ANKS1B: variants seen among roughly 807,000 people sequenced by gnomAD.
The protein encoded by ANKS1B is ankyrin repeat and sterile alpha motif domain-containing protein 1B.
In ANKS1B, 36 loss-of-function variants were observed where a neutral mutation model predicts 148.3. That is an observed-to-expected ratio of 0.24 (90% CI 0.19 to 0.32). The LOEUF (loss-of-function observed/expected upper bound fraction) is 0.32. Ranked by LOEUF, ANKS1B falls within the 10% of genes least tolerant of loss-of-function variation. The pLI is 1.00. For missense variants in ANKS1B, 1,157 were observed against 1,542.6 expected, an observed-to-expected ratio of 0.75 and a Z score of 4.19; for synonymous variants, 542 against 560.8, an observed-to-expected ratio of 0.97 and a Z score of 0.47.
At chr12:99,899,835 G>T (rs559151335) in intron 1 of ANKS1B, among the ~76,000 whole-genome samples, 1 of 151,922 alleles carries the variant, frequency 6.6e-6, no homozygotes, top group Admixed American at 6.5e-5. Flanking sequence ...TTTTCATGTC[G>T]TAACAGTCTT....
chr12:99,512,363 G>A (rs2096775208), intron 9 of ANKS1B, among the ~76,000 whole-genome samples: 1 of 151,772 alleles, frequency 6.6e-6, no homozygotes, highest in African/African-American at 2.4e-5. Flanking sequence ...ATCACCTCAT[G>A]CAGTCAGAAT....
intron 17 of ANKS1B, among the ~76,000 whole-genome samples, chr12:98,842,620 G>A (rs964460334): frequency 1.3e-5 from 2 of 152,162 alleles, no homozygotes; most frequent in Non-Finnish European, 2.9e-5. Context: ...GAATAATGCT[G>A]GGAGAATGCA....
chr12:99,371,583 T>C (rs1450986922), intron 12 of ANKS1B, among the ~76,000 whole-genome samples: 1 of 151,786 alleles, frequency 6.6e-6, no homozygotes, highest in Non-Finnish European at 1.5e-5. Flanking sequence ...CACACACATA[T>C]ACATACTGAG....
At chr12:99,199,298 A>C (rs982857319) in intron 14 of ANKS1B, among the ~76,000 whole-genome samples, 1 of 152,226 alleles carries the variant, frequency 6.6e-6, no homozygotes, top group African/African-American at 2.4e-5. Flanking sequence ...AGCAATAGAT[A>C]ACTAGTATTC....
intron 1 of ANKS1B, among the ~76,000 whole-genome samples, chr12:99,915,766 C>T (rs1378228021): frequency 2.0e-5 from 3 of 152,110 alleles, no homozygotes; most frequent in Non-Finnish European, 2.9e-5. Flanking sequence ...AGAAATTTAC[C>T]GTCTCACAGT....
intron 17 of ANKS1B, among the ~76,000 whole-genome samples, chr12:98,859,080 G>A (rs2099586040): frequency 6.6e-6 from 1 of 152,130 alleles, no homozygotes; most frequent in Non-Finnish European, 1.5e-5. Flanking sequence ...AATATACTTT[G>A]TAGAAGACAT....
chr12:99,606,270 T>C (rs1222554428), intron 9 of ANKS1B, among the ~76,000 whole-genome samples: 3 of 152,046 alleles, frequency 2.0e-5, no homozygotes, highest in Admixed American at 6.6e-5. Flanking sequence ...ACAAATGTTT[T>C]TTGGTATAAC....
chr12:99,464,617 G>A (rs1031847041), intron 10 of ANKS1B, among the ~76,000 whole-genome samples: 1 of 152,198 alleles, frequency 6.6e-6, no homozygotes, highest in African/African-American at 2.4e-5. Flanking sequence ...GGAGCTGAAA[G>A]CCAAGGCTCG....
intron 17 of ANKS1B, among the ~76,000 whole-genome samples, chr12:99,022,654 G>A (rs1211040595): frequency 6.6e-6 from 1 of 151,916 alleles, no homozygotes; most frequent in East Asian, 1.9e-4. Context: ...TGAATTTCGA[G>A]GGTATGTTGA....
At chr12:99,030,488 T>A (rs1296933356) in intron 17 of ANKS1B, among the ~76,000 whole-genome samples, 1 of 149,626 alleles carries the variant, frequency 6.7e-6, no homozygotes, top group African/African-American at 2.5e-5. Context: ...TAAATTCCTA[T>A]CTTAGCATCA....
chr12:99,664,681 A>C (rs1442950696), intron 8 of ANKS1B, among the ~76,000 whole-genome samples: 1 of 152,178 alleles, frequency 6.6e-6, no homozygotes, highest in Non-Finnish European at 1.5e-5. Context: ...TCACCGCAAA[A>C]GGTTACCTTG....
intron 14 of ANKS1B, among the ~76,000 whole-genome samples, chr12:99,220,070 G>A (rs2084845542): frequency 6.6e-6 from 1 of 152,118 alleles, no homozygotes; most frequent in Non-Finnish European, 1.5e-5. Flanking sequence ...CACGATCTTG[G>A]CTCACCACAA....
intron 1 of ANKS1B, among the ~76,000 whole-genome samples, chr12:99,957,011 C>T (rs898087635): frequency 2.0e-5 from 3 of 152,202 alleles, no homozygotes; most frequent in Admixed American, 1.3e-4. Context: ...TCTTACAGAG[C>T]TGGCTTTGAA....
At chr12:99,341,196 T>A (rs1376874908) in intron 12 of ANKS1B, 4 of 152,152 alleles carry the variant, frequency 2.6e-5, no homozygotes, top group Non-Finnish European at 5.9e-5. Flanking sequence ...AACAAACTAT[T>A]TGTGGATTAC....
chr12:99,414,638 A>G (rs985101063), intron 11 of ANKS1B, among the ~76,000 whole-genome samples: 2 of 152,120 alleles, frequency 1.3e-5, no homozygotes, highest in African/African-American at 4.8e-5. Flanking sequence ...CAATTAGAAC[A>G]CGTGGACACA....
At chr12:99,313,618 C>T (rs896141091) in intron 12 of ANKS1B, among the ~76,000 whole-genome samples, 13 of 152,138 alleles carry the variant, frequency 8.5e-5, no homozygotes, top group African/African-American at 2.9e-4. Flanking sequence ...TCAACATACG[C>T]AAATCAATAA....
chr12:99,006,924 T>C (rs754367454), intron 17 of ANKS1B, among the ~76,000 whole-genome samples: 3 of 152,316 alleles, frequency 2.0e-5, no homozygotes, highest in Non-Finnish European at 4.4e-5. Flanking sequence ...TGTTCATCTA[T>C]CAGGTAAGCT....
At position 99,034,521 on chromosome 12, in the gene ANKS1B, G is replaced by C. The variant is rs368161320; in HGVS notation, c.2778+18636C>G. On this transcript the variant is annotated intron_variant, in intron 17 of 26. Transcript: ENST00000683438. The stretch of plus-strand genomic sequence containing the variant: ...TGTAGAGACGGGGTTTCGCCATGTT[G>C]CCCAGGCTGGTCTCAAACTCATGGA... Among the ~76,000 whole-genome samples the C allele has an allele frequency of 3.3e-5, 5 of 152,194 alleles. 1 individual carries two copies. Among genetic ancestry groups the C allele is most frequent in the African/African-American group, 1.2e-4 (5 of 41,524 alleles).
intron 17 of ANKS1B, among the ~76,000 whole-genome samples, chr12:98,959,088 T>C (rs12306057): frequency 0.022 from 3,301 of 152,306 alleles, 127 homozygotes; most frequent in African/African-American, 0.068. Context: ...AACCTTTAAA[T>C]TGGATTCCTA....
Sources: allele counts gnomAD v4.1 joint callset (sites outside exome capture counted in the v4.1 genomes callset), GRCh38; gene constraint gnomAD v4.1.1; transcripts MANE v1.5; gene names NCBI Gene and HGNC (gene_info 2026-07-23, HGNC 2026-07-21).